The following DNAH6 variants were observed in gnomAD, a reference collection of about 807,000 sequenced individuals.
DNAH6 encodes dynein axonemal heavy chain 6, also known as axonemal beta dynein heavy chain 6.
Under a neutral mutation model 491.4 loss-of-function variants are expected in DNAH6, and 340 were observed. The ratio of observed to expected loss-of-function variants is 0.69; its 90% CI spans 0.63 to 0.76. The LOEUF is 0.76. DNAH6 is among the 30% of genes least tolerant of loss of function. The probability of loss-of-function intolerance (pLI) is 0.00; values close to 1 mark genes in which losing one functional copy is unlikely to be tolerated. For synonymous variants in DNAH6, 1,603 were observed against 1,686.1 expected (o/e 0.95, Z 1.21); for missense variants, 4,443 against 4,972.2 (o/e 0.89, Z 3.20).
intron 41 of DNAH6, 28 bp from the exon 42 acceptor site, chr2:84,681,329 T>G (rs767934864): frequency 1.9e-5 from 28 of 1,474,142 alleles, no homozygotes; most frequent in Non-Finnish European, 1.4e-5. Context: ...ATAAATCTAA[T>G]CCTCTCATAT....
intron 15 of DNAH6, among the ~76,000 whole-genome samples, chr2:84,585,067 A>C (rs1683401786): frequency 6.6e-6 from 1 of 152,220 alleles, no homozygotes; most frequent in Non-Finnish European, 1.5e-5. Flanking sequence ...TGGAAATGTA[A>C]AAACAGCTCA....
chr2:84,775,947 C>T (rs935792336), intron 64 of DNAH6, among the ~76,000 whole-genome samples: 3 of 151,914 alleles, frequency 2.0e-5, no homozygotes, highest in Non-Finnish European at 4.4e-5. Context: ...TCTTGTTTAT[C>T]CTTTCAAAAA....
At chr2:84,631,721 C>T (rs1688419573) in intron 29 of DNAH6, among the ~76,000 whole-genome samples, 1 of 152,130 alleles carries the variant, frequency 6.6e-6, no homozygotes, top group African/African-American at 2.4e-5. Flanking sequence ...AGAAAGAATC[C>T]TACCCCCAAG....
chr2:84,580,309 TACACACGCACAC>T (rs1423020433), intron 14 of DNAH6, among the ~76,000 whole-genome samples: 18 of 63,140 alleles, frequency 2.9e-4, no homozygotes, highest in South Asian at 7.8e-4. Context: ...TACACACACA[TACACACGCACAC>T]ACACACACAC....
chr2:84,734,653 A>G (rs1486179593), intron 62 of DNAH6, among the ~76,000 whole-genome samples: 1 of 152,134 alleles, frequency 6.6e-6, no homozygotes, highest in Non-Finnish European at 1.5e-5. Flanking sequence ...TAATTGTGGT[A>G]TTTACCTTAC....
At chr2:84,726,418 G>A (rs567187476) in intron 60 of DNAH6, among the ~76,000 whole-genome samples, 1 of 152,142 alleles carries the variant, frequency 6.6e-6, no homozygotes. Context: ...TCCATGGAAG[G>A]CCACACATTC....
At chr2:84,794,637 C>T (rs1678136404) in intron 68 of DNAH6, among the ~76,000 whole-genome samples, 1 of 149,700 alleles carries the variant, frequency 6.7e-6, no homozygotes, top group South Asian at 2.2e-4. Context: ...GATACCATCT[C>T]ACACCAGTTA....
Position 84,683,309 on chromosome 2 carries a change from G to A in DNAH6, c.6916+1781G>A, listed in dbSNP as rs1408204702. On this transcript the variant is annotated intron_variant, in intron 42 of 76. Coordinates refer to ENST00000389394, the MANE Select transcript of DNAH6 (RefSeq NM_001370.2). ...AATGAATGTCTAGATGAATAAACAA[G>A]TCTCCCCTGATTTTGTATACAAGGA... Among the ~76,000 whole-genome samples, 5 of 151,620 alleles carry A rather than the reference G, an allele frequency of 3.3e-5. No individual in the cohort carries two copies. In the East Asian group the frequency reaches 9.7e-4, roughly 29 times the overall value.
At chr2:84,689,464 G>A (rs867398768) in intron 45 of DNAH6, among the ~76,000 whole-genome samples, 2 of 152,102 alleles carry the variant, frequency 1.3e-5, no homozygotes, top group Non-Finnish European at 1.5e-5. Context: ...GAGCATCTCC[G>A]CCTCCATATA....
intron 14 of DNAH6, among the ~76,000 whole-genome samples, chr2:84,582,155 A>G (rs2104020568): frequency 6.6e-6 from 1 of 152,344 alleles, no homozygotes; most frequent in African/African-American, 2.4e-5. Flanking sequence ...AAAAACTCAC[A>G]TAAATAGCTT....
intron 22 of DNAH6, among the ~76,000 whole-genome samples, 182 bp downstream of exon 22, chr2:84,612,036 C>T (rs764164265): frequency 4.6e-5 from 7 of 152,162 alleles, no homozygotes; most frequent in Middle Eastern, 3.4e-3. Context: ...GCAATGTCAA[C>T]GGAACACTGG....
At chr2:84,757,581 T>C (rs886658687) in intron 63 of DNAH6, among the ~76,000 whole-genome samples, 2 of 152,236 alleles carry the variant, frequency 1.3e-5, no homozygotes, top group African/African-American at 4.8e-5. Context: ...GGTTCATTTA[T>C]ACTGACTAGA....
intron 22 of DNAH6, among the ~76,000 whole-genome samples, chr2:84,615,836 A>C (rs1686804217): frequency 6.6e-6 from 1 of 151,720 alleles, no homozygotes; most frequent in South Asian, 2.1e-4. Flanking sequence ...TGAGTTCTTG[A>C]TTTGACTTTC....
intron 47 of DNAH6, among the ~76,000 whole-genome samples, chr2:84,698,804 G>T (rs898968368): frequency 1.3e-5 from 2 of 152,100 alleles, no homozygotes; most frequent in South Asian, 4.1e-4. Context: ...CATCAGTGGT[G>T]GATTAGATAT....
chr2:84,724,338 G>T (rs1207482878), intron 60 of DNAH6, among the ~76,000 whole-genome samples: 1 of 152,118 alleles, frequency 6.6e-6, no homozygotes, highest in Admixed American at 6.5e-5. Flanking sequence ...TCAAAACACT[G>T]TTCCACAGAC....
At position 84,701,250 on chromosome 2, in the gene DNAH6, A is replaced by G. The variant is rs1442008413; in HGVS notation, c.7972A>G (p.Arg2658Gly). The change falls in exon 49 of 77, where the codon AGG (arginine) becomes GGG (glycine). Residue 2658 changes from arginine (R) to glycine (G), a missense_variant. By Grantham distance (125) the Arg-to-Gly change is moderately radical. Around this residue, in one of 3 missense-constraint regions of DNAH6, gnomAD observed 2,977 missense variants for 3,296.6 expected, o/e 0.90. Transcript: ENST00000389394. ...MAERYYNELR[R>G]RYYTTPTSYL... ...AGAGCGCTATTACAATGAGCTGCGCAGGCGGTACTACACGACACCCACCTC... is the reference window on the plus strand; with the variant it reads ...AGAGCGCTATTACAATGAGCTGCGCGGGCGGTACTACACGACACCCACCTC... 3 of 1,551,840 alleles carry G rather than the reference A, an allele frequency of 1.9e-6. No individual in the cohort carries two copies. The highest frequency in any genetic ancestry group is 2.6e-6 in the Non-Finnish European group (3 of 1,147,022).
chr2:84,802,860 T>G (rs1302744988), intron 70 of DNAH6, among the ~76,000 whole-genome samples: 3 of 152,152 alleles, frequency 2.0e-5, no homozygotes, highest in Non-Finnish European at 4.4e-5. Flanking sequence ...ACCAAGCATC[T>G]TCTCAGAACA....
In DNAH6 at chr2:84,704,167, T is replaced by C. The variant is rs375995981; in HGVS notation, c.8330T>C (p.Leu2777Pro). Residue 2777 changes from leucine (L) to proline (P), a missense_variant, in exon 51 of 77, where the codon CTA (leucine) becomes CCA (proline). Physicochemically the swap from Leu to Pro is moderately conservative, Grantham distance 98. Transcript: ENST00000389394. ...DDAQRDLDEA[L>P]PALDAANKAL... is the part of the protein sequence containing the mutation. ...GCTCAAAGAGATCTTGACGAGGCAC[T>C]ACCTGCACTAGATGCTGCCAATAAA... The C allele has an allele frequency of 6.4e-7, 1 of 1,551,796 alleles. No individual in the cohort carries two copies. Among genetic ancestry groups the C allele is most frequent in the Non-Finnish European group, 8.7e-7 (1 of 1,147,022 alleles).
intron 49 of DNAH6, 88 bp from the exon 50 acceptor site, chr2:84,703,307 A>T: frequency 1.1e-6 from 1 of 937,128 alleles, no homozygotes. Flanking sequence ...TAGACGTAAA[A>T]GTCTAATACA....
Sources: gnomAD v4.1 joint callset for allele counts (sites outside exome capture counted in the v4.1 genomes callset) on GRCh38, gnomAD v4.1.1 for gene constraint, gnomAD v4.1.1 regional missense constraint, MANE v1.5 for transcripts, NCBI Gene and HGNC (gene_info 2026-07-23, HGNC 2026-07-21) for gene names.